PLAA: variants seen among roughly 807,000 people sequenced by gnomAD.
PLAA encodes the protein phospholipase A2 activating protein, also known as phospholipase A-2-activating protein.
A neutral mutation model predicts 84.1 loss-of-function variants in PLAA; 48 were observed. That is an observed-to-expected ratio of 0.57 (90% CI 0.45 to 0.73). The LOEUF (loss-of-function observed/expected upper bound fraction) is 0.73, where lower values mean the gene tolerates loss of function less well. PLAA is among the 30% of genes least tolerant of loss of function. The probability of loss-of-function intolerance (pLI) is 0.00; values close to 1 mark genes in which losing one functional copy is unlikely to be tolerated. For synonymous variants in PLAA, 392 were observed against 336.6 expected, an observed-to-expected ratio of 1.16 and a Z score of -1.80; for missense variants, 903 against 954.7, an observed-to-expected ratio of 0.95 and a Z score of 0.71.
chr9:26,927,660 A>C (rs1012196133), intron 4 of PLAA, among the ~76,000 whole-genome samples: 7 of 152,174 alleles, frequency 4.6e-5, no homozygotes, highest in African/African-American at 7.2e-5. Flanking sequence ...ACATAAACAA[A>C]GCTTGAAATT....
Position 26,903,540 on chromosome 9 carries a change from T to C in PLAA, c.*1971A>G, listed in dbSNP as rs1197990257. ...GTTAAGAATAGTTTTCTCTAGATAG[T>C]GGCCTTACAGGCAATTTTTATTTGG... On this transcript the variant is annotated 3_prime_UTR_variant, in exon 14 of 14. Coordinates refer to ENST00000397292, the MANE Select transcript of PLAA (RefSeq NM_001031689.3). Among the ~76,000 whole-genome samples the C allele has an allele frequency of 1.3e-5, 2 of 152,218 alleles. No homozygotes were observed. The highest frequency in any genetic ancestry group is 2.9e-5 in the Non-Finnish European group (2 of 68,020).
chr9:26,942,401 T>C (rs1825568971), intron 1 of PLAA, among the ~76,000 whole-genome samples: 1 of 152,178 alleles, frequency 6.6e-6, no homozygotes. Flanking sequence ...TTGTAAAATA[T>C]CCAATGTATC....
chr9:26,934,744 GC>G (rs1825304514), intron 2 of PLAA, among the ~76,000 whole-genome samples: 1 of 152,018 alleles, frequency 6.6e-6, no homozygotes, highest in Non-Finnish European at 1.5e-5. Context: ...CTCCCAAAGT[GC>G]TGGGATTACA....
At chr9:26,920,928 G>A (rs889424940) in intron 7 of PLAA, among the ~76,000 whole-genome samples, 3 of 151,922 alleles carry the variant, frequency 2.0e-5, no homozygotes, top group East Asian at 1.9e-4. Flanking sequence ...CTTGGCCCCC[G>A]ACAGTGTATA....
chr9:26,912,392 T>C (rs887855316), intron 11 of PLAA, among the ~76,000 whole-genome samples: 3 of 151,954 alleles, frequency 2.0e-5, no homozygotes, highest in South Asian at 2.1e-4. Context: ...AAAAGAAAAA[T>C]ATTCACTGGG....
In PLAA at chr9:26,920,365, A is replaced by T; in HGVS notation, c.1059T>A (p.Thr353=). The change falls in exon 8 of 14, where the codon ACT becomes ACA. Residue 353 remains threonine (T), a synonymous_variant. Coordinates refer to ENST00000397292, the MANE Select transcript of PLAA (RefSeq NM_001031689.3). ...CTTTCTCCCCATCTCTGATTAGACG[A>T]GTCTGTCCTTCTCTAGTACCTTAAA... The part of the protein sequence containing the change: ...LNEPGTREGQ[T]RLIRDGEKVE... 1 of 1,612,278 alleles carries T rather than the reference A, an allele frequency of 6.2e-7. No individual in the cohort carries two copies. Among genetic ancestry groups the T allele is most frequent in the South Asian group, 1.1e-5 (1 of 90,828 alleles).
At chr9:26,927,023 TTAA>T (rs1262803595) in intron 4 of PLAA, among the ~76,000 whole-genome samples, 2 of 152,074 alleles carry the variant, frequency 1.3e-5, no homozygotes, top group African/African-American at 2.4e-5. Flanking sequence ...CTATCACAGA[TTAA>T]TAATGACTTG....
Position 26,905,565 on chromosome 9 carries a change from T to C in PLAA, c.2334A>G (p.Val778=), listed in dbSNP as rs759274941. The C allele has an allele frequency of 7.4e-6, 12 of 1,613,898 alleles. No homozygotes were observed. The highest frequency in any genetic ancestry group is 8.5e-6 in the Non-Finnish European group (10 of 1,179,996). Residue 778 remains valine (V), a synonymous_variant, in exon 14 of 14, where the codon GTA becomes GTG. Coordinates refer to ENST00000397292, the MANE Select transcript of PLAA (RefSeq NM_001031689.3). The part of the protein sequence containing the change: ...VDSQIKKYSS[V]SEPAKVSECC... ...ATTCACTTACTTTAGCTGGTTCTGA[T>C]ACTGAGGAATACTTTTTTATTTGAG...
chr9:26,909,028 A>G (rs1824321631), intron 12 of PLAA, among the ~76,000 whole-genome samples: 1 of 152,136 alleles, frequency 6.6e-6, no homozygotes, highest in African/African-American at 2.4e-5. Flanking sequence ...CTTTCTTCCC[A>G]TGTTCTCATT....
Position 26,947,089 on chromosome 9 carries a change from A to C in PLAA, c.-44T>G. 3 of 1,476,620 alleles carry C rather than the reference A, an allele frequency of 2.0e-6. No individual in the cohort carries two copies. The highest frequency in any genetic ancestry group is 1.8e-6 in the Non-Finnish European group (2 of 1,111,838). 91.5% of individuals were successfully genotyped at this position (1,476,620 alleles called of 1,614,324 possible). ...GCCCGGTGCCCAGGCACTGTGCGAGACCAGTCCGCAGGGGCGACTCGGAGA... is the reference window on the plus strand; with the variant it reads ...GCCCGGTGCCCAGGCACTGTGCGAGCCCAGTCCGCAGGGGCGACTCGGAGA... On this transcript the variant is annotated 5_prime_UTR_variant, in exon 1 of 14. Coordinates refer to ENST00000397292, the MANE Select transcript of PLAA (RefSeq NM_001031689.3).
intron 2 of PLAA, among the ~76,000 whole-genome samples, chr9:26,929,352 C>T (rs955359756): frequency 2.0e-5 from 3 of 151,858 alleles, no homozygotes; most frequent in Admixed American, 6.6e-5. Context: ...ATTAGTCAGA[C>T]ATGGTGTCAC....
At chr9:26,923,127 C>A in intron 7 of PLAA, 51 bp downstream of exon 7, 2 of 1,346,608 alleles carry the variant, frequency 1.5e-6, no homozygotes, top group South Asian at 1.5e-5. Context: ...CTAATTGTTC[C>A]AAAAGCCAAA....
At chr9:26,934,475 CTT>C (rs67138338) in intron 2 of PLAA, among the ~76,000 whole-genome samples, 166 of 93,336 alleles carry the variant, frequency 1.8e-3, no homozygotes, top group East Asian at 8.6e-3. Context: ...GAACACTTTA[CTT>C]TTTTTTTTTT....
intron 1 of PLAA, among the ~76,000 whole-genome samples, chr9:26,946,016 G>C (rs1433073002): frequency 6.6e-6 from 1 of 152,160 alleles, no homozygotes; most frequent in East Asian, 1.9e-4. Flanking sequence ...CTGGCAACTT[G>C]TCTGTCTTTA....
chr9:26,937,267 A>C (rs760292672), intron 1 of PLAA, among the ~76,000 whole-genome samples: 3 of 152,234 alleles, frequency 2.0e-5, no homozygotes, highest in Non-Finnish European at 4.4e-5. Context: ...TTAGAAAGTG[A>C]AAGTGCATGC....
At chr9:26,909,738 C>T (rs1218865780) in intron 12 of PLAA, among the ~76,000 whole-genome samples, 1 of 152,120 alleles carries the variant, frequency 6.6e-6, no homozygotes, top group Non-Finnish European at 1.5e-5. Context: ...ATTCTCGTGC[C>T]TCAGCCTCCA....
chr9:26,926,366 T>C, intron 5 of PLAA, 27 bp downstream of exon 5: 1 of 1,472,454 alleles, frequency 6.8e-7, no homozygotes, highest in Non-Finnish European at 9.5e-7. Flanking sequence ...TACAAAACAT[T>C]AAATAAATAG....
intron 9 of PLAA, among the ~76,000 whole-genome samples, chr9:26,918,312 T>G (rs1824638652): frequency 6.9e-6 from 1 of 145,830 alleles, no homozygotes; most frequent in Admixed American, 6.8e-5. Context: ...TTTTTTTTAG[T>G]AGAGACAGGG....
At chr9:26,945,127 C>CA (rs950640877) in intron 1 of PLAA, among the ~76,000 whole-genome samples, 173 of 142,346 alleles carry the variant, frequency 1.2e-3, no homozygotes, top group South Asian at 6.2e-3. Context: ...AACTCTGTCT[C>CA]AAAAAAAAAA....
Sources: allele counts gnomAD v4.1 joint callset (sites outside exome capture counted in the v4.1 genomes callset), GRCh38; gene constraint gnomAD v4.1.1; transcripts MANE v1.5; gene names NCBI Gene and HGNC (gene_info 2026-07-23, HGNC 2026-07-21).